The following RP1 variants were observed in gnomAD, a reference collection of about 807,000 sequenced individuals.
The protein encoded by RP1 is RP1 axonemal microtubule associated.
A neutral mutation model predicts 14.8 loss-of-function variants in RP1; 16 were observed. That is an observed-to-expected ratio of 1.08 (90% CI 0.73 to 1.65). The LOEUF is 1.65. Ranked by LOEUF, RP1 falls within the 40% of genes most tolerant of loss-of-function variation. The probability of loss-of-function intolerance (pLI) is 0.00; values close to 1 mark genes in which losing one functional copy is unlikely to be tolerated. For missense variants in RP1, 2,631 were observed against 2,535.0 expected (o/e 1.04, Z -0.81); for synonymous variants, 876 against 883.6 (o/e 0.99, Z 0.15).
rs781305217 is a variant in RP1, at chr8:54,720,226, G to T, written c.2309G>T (p.Gly770Val). Residue 770 changes from glycine to valine, a missense_variant, in exon 16 of 23, where the codon GGA becomes GTA. By Grantham distance (109) the Gly-to-Val change is moderately radical. Transcript: ENST00000636932. ...ACGAAGAGCCCAGGATTGTTTGTTG[G>T]ACTTCAGTCAGATGGGCAGGCAAAA... 6.5e-6 allele frequency: 10 copies of T among 1,535,926 alleles called. 1 individual carries two copies. In the South Asian group the frequency reaches 1.1e-4, roughly 16 times the overall value.
At position 54,620,988 on chromosome 8, in the gene RP1, G is replaced by A. The variant is rs199731445; in HGVS notation, c.22G>A (p.Gly8Ser). MSDTPST[G>S]FSIIHPTSSE... ...CAAAATGAGTGATACCCCTTCTACT[G>A]GTTTTTCCATCATTCATCCTACGTC... The change falls in exon 2 of 4, where the codon GGT (glycine) becomes AGT (serine). Residue 8 changes from glycine to serine, a missense_variant. Gly to Ser is a moderately conservative substitution (Grantham distance 56). Transcript: ENST00000220676. 4 of 1,614,056 alleles carry A rather than the reference G, an allele frequency of 2.5e-6. No individual in the cohort carries two copies. In the African/African-American group the frequency reaches 5.3e-5, roughly 22 times the overall value.
chr8:54,780,625 C>T (rs1230660498), intron 23 of RP1, among the ~76,000 whole-genome samples: 1 of 152,038 alleles, frequency 6.6e-6, no homozygotes, highest in African/African-American at 2.4e-5. Flanking sequence ...TCATTGTTAC[C>T]TAAACAATAC....
At chr8:54,657,383 A>G (rs1806778009) in intron 6 of RP1, among the ~76,000 whole-genome samples, 1 of 152,042 alleles carries the variant, frequency 6.6e-6, no homozygotes, top group South Asian at 2.1e-4. Context: ...GTAGGGCTTG[A>G]CCCTTATGGT....
At position 54,626,820 on chromosome 8, in the gene RP1, G is replaced by A. The variant is rs202226256; in HGVS notation, c.2938G>A (p.Gly980Ser). The A allele has an allele frequency of 1.3e-4, 216 of 1,613,620 alleles. No homozygotes were observed. In the Admixed American group the frequency reaches 2.2e-3, roughly 16 times the overall value. The change falls in exon 4 of 4, where the codon GGT becomes AGT. Residue 980 changes from glycine to serine, a missense_variant. Physicochemically the swap from Gly to Ser is moderately conservative, Grantham distance 56. Transcript: ENST00000220676. ...ESNKHITKIA[G>S]LTGDNLCKEG... ...TAATAAGCACATAACTAAAATTGCC[G>A]GTTTGACAGGAGATAATCTATGTAA... is the stretch of plus-strand genomic sequence containing the variant.
intron 19 of RP1, among the ~76,000 whole-genome samples, chr8:54,743,459 A>G (rs1331972569): frequency 1.3e-5 from 2 of 152,152 alleles, no homozygotes; most frequent in Non-Finnish European, 2.9e-5. Context: ...ATTAATTGGC[A>G]TTCTACTACA....
In RP1 at chr8:54,628,969, T is replaced by A. The variant is rs1806165909; in HGVS notation, c.5087T>A (p.Phe1696Tyr). Reference sequence around the variant, plus strand: ...AGTAGTTCATCTATGTTGCAGGAATTCCAGGAGGAAAGACAAGATAAGTGT... The same window carrying A: ...AGTAGTTCATCTATGTTGCAGGAATACCAGGAGGAAAGACAAGATAAGTGT... ...VSSSSSMLQE[F>Y]QEERQDKCDV... The change falls in exon 4 of 4, where the codon TTC (phenylalanine) becomes TAC (tyrosine). Residue 1696 changes from phenylalanine to tyrosine, a missense_variant. Coordinates refer to ENST00000220676, the MANE Select transcript of RP1 (RefSeq NM_006269.2). The A allele has an allele frequency of 6.2e-7, 1 of 1,613,932 alleles. No individual in the cohort carries two copies. Among genetic ancestry groups the A allele is most frequent in the East Asian group, 2.2e-5 (1 of 44,880 alleles).
chr8:54,684,540 G>A (rs774070071), intron 12 of RP1, among the ~76,000 whole-genome samples: 9 of 152,088 alleles, frequency 5.9e-5, no homozygotes, highest in East Asian at 1.9e-4. Flanking sequence ...TCAGTCTTGC[G>A]GGGGTGTGTG....
At chr8:54,696,469 A>G (rs777881350) in intron 12 of RP1, 14 of 882,668 alleles carry the variant, frequency 1.6e-5, no homozygotes, top group Admixed American at 1.4e-4. Context: ...AAGCTTATCA[A>G]GCCCTCGAAG....
chr8:54,723,230 A>T (rs1808574965), intron 16 of RP1, among the ~76,000 whole-genome samples: 1 of 152,246 alleles, frequency 6.6e-6, no homozygotes, highest in Non-Finnish European at 1.5e-5. Flanking sequence ...TCTGGTACTC[A>T]GCAAGTGCTG....
chr8:54,769,167 T>A (rs1809840724), intron 22 of RP1, among the ~76,000 whole-genome samples: 1 of 152,158 alleles, frequency 6.6e-6, no homozygotes, highest in African/African-American at 2.4e-5. Flanking sequence ...GTGCTGGGAT[T>A]ACAGGCATGA....
chr8:54,776,591 A>C (rs759144438), intron 23 of RP1, among the ~76,000 whole-genome samples: 2 of 152,228 alleles, frequency 1.3e-5, no homozygotes, highest in Non-Finnish European at 2.9e-5. Context: ...AGTCAAAGGA[A>C]GGCAAGTCAA....
intron 24 of RP1, among the ~76,000 whole-genome samples, chr8:54,807,760 G>A (rs1810893222): frequency 6.6e-6 from 1 of 152,078 alleles, no homozygotes; most frequent in Non-Finnish European, 1.5e-5. Context: ...TTGTGGAGAA[G>A]TAGATTCAAA....
At chr8:54,621,664 C>T in intron 2 of RP1, 83 bp downstream of exon 2, 1 of 1,595,522 alleles carries the variant, frequency 6.3e-7, no homozygotes, top group Non-Finnish European at 8.5e-7. Context: ...GAATGGTGGC[C>T]CCCGGGAAGG....
intron 18 of RP1, chr8:54,738,900 T>A (rs2129358180): frequency 7.6e-7 from 1 of 1,311,308 alleles, no homozygotes; most frequent in Non-Finnish European, 1.0e-6. Flanking sequence ...GTGCTTAATT[T>A]AAAAAATTCT....
At chr8:54,583,312 G>T (rs1441443599) in intron 1 of RP1, among the ~76,000 whole-genome samples, 4 of 152,292 alleles carry the variant, frequency 2.6e-5, no homozygotes, top group Non-Finnish European at 4.4e-5. Flanking sequence ...TTATTGATTT[G>T]TGTATGTTGA....
At chr8:54,667,234 G>A (rs1371884212) in intron 7 of RP1, among the ~76,000 whole-genome samples, 5 of 152,064 alleles carry the variant, frequency 3.3e-5, no homozygotes, top group Non-Finnish European at 7.4e-5. Flanking sequence ...CTTCAGTGGG[G>A]TCTTCCTTAC....
In RP1 at chr8:54,626,392, A is replaced by C; in HGVS notation, c.2510A>C (p.Gln837Pro). The change falls in exon 4 of 4, where the codon CAA (glutamine) becomes CCA (proline). Residue 837 changes from glutamine (Q) to proline (P), a missense_variant. Gln to Pro is a moderately conservative substitution (Grantham distance 76). Coordinates refer to ENST00000220676, the MANE Select transcript of RP1 (RefSeq NM_006269.2). ...EQKPKDFYAP[Q>P]SQAEVASGYL... ...AAACCCAAAGATTTTTATGCACCGC[A>C]ATCTCAAGCAGAAGTGGCATCTGGG... 1 of 1,613,660 alleles carries C rather than the reference A, an allele frequency of 6.2e-7. No individual in the cohort carries two copies. The highest frequency in any genetic ancestry group is 8.5e-7 in the Non-Finnish European group (1 of 1,179,892).
In RP1 at chr8:54,869,886, T is replaced by C; in HGVS notation, c.4195T>C (p.Leu1399=). ...AGATGATGGCAAGACCCAGCGGGAA[T>C]TGCTCGCAGAAAGTAGTCCCAGTGC... Residue 1399 remains leucine, a synonymous_variant, in exon 29 of 29, where the codon TTG becomes CTG. Coordinates refer to the RP1 transcript ENST00000637698. The C allele has an allele frequency of 4.1e-6, 5 of 1,232,028 alleles. No homozygotes were observed. The South Asian group carries it at 1.6e-4, about 41-fold the overall frequency. The allele number at this position is 1,232,028 out of a possible 1,614,324, so 76.3% of individuals were successfully genotyped here.
At chr8:54,846,365 C>A (rs1018689954) in intron 25 of RP1, among the ~76,000 whole-genome samples, 1 of 152,096 alleles carries the variant, frequency 6.6e-6, no homozygotes, top group African/African-American at 2.4e-5. Context: ...TTGAGGGGTG[C>A]AAAATATAAC....
Sources: allele counts gnomAD v4.1 joint callset (sites outside exome capture counted in the v4.1 genomes callset), GRCh38; gene constraint gnomAD v4.1.1; transcripts MANE v1.5; gene names NCBI Gene and HGNC (gene_info 2026-07-23, HGNC 2026-07-21).